The following CDHR2 variants were observed in gnomAD, a reference collection of about 807,000 sequenced individuals.
CDHR2 encodes cadherin related family member 2.
A neutral mutation model predicts 138.6 loss-of-function variants in CDHR2; 104 were observed. The observed-to-expected ratio is 0.75, with a 90% confidence interval of 0.64 to 0.88. The LOEUF is 0.88. CDHR2 is among the 40% of genes least tolerant of loss of function. CDHR2 has a pLI of 0.00. For missense variants in CDHR2, 1,624 were observed against 1,727.6 expected (o/e 0.94, Z 1.06); for synonymous variants, 755 against 742.8 (o/e 1.02, Z -0.27).
At position 176,581,326 on chromosome 5, in the gene CDHR2, C is replaced by T. The variant is rs1342771736; in HGVS notation, c.1819-17C>T. The stretch of plus-strand genomic sequence containing the variant: ...GAATGCCGATGGCCGATGACCAACC[C>T]CTGCTTACGTGCACAGGCCCACGAC... On this transcript the variant is annotated splice_polypyrimidine_tract_variant and intron_variant, in intron 16 of 31. Coordinates refer to ENST00000261944, the MANE Select transcript of CDHR2 (RefSeq NM_017675.6). The T allele has an allele frequency of 1.2e-6, 2 of 1,611,094 alleles. No homozygotes were observed. The highest frequency in any genetic ancestry group is 8.5e-7 in the Non-Finnish European group (1 of 1,179,886).
At chr5:176,595,011 C>T (rs1318047935) in intron 31 of CDHR2, among the ~76,000 whole-genome samples, 1 of 152,220 alleles carries the variant, frequency 6.6e-6, no homozygotes, top group Admixed American at 6.5e-5. Context: ...GGCAGTGTCA[C>T]ATCATGGACA....
chr5:176,587,668 C>T (rs1758701874), intron 21 of CDHR2, among the ~76,000 whole-genome samples: 1 of 152,004 alleles, frequency 6.6e-6, no homozygotes, highest in South Asian at 2.1e-4. Context: ...CAACAAGAAG[C>T]TAGCAGTTCC....
In CDHR2 at chr5:176,553,278, GC is replaced by G. The variant is rs1488816501; in HGVS notation, c.-16+3867del. Among the ~76,000 whole-genome samples the G allele has an allele frequency of 6.6e-6, 1 of 152,206 alleles. No homozygotes were observed. Among genetic ancestry groups the G allele is most frequent in the African/African-American group, 2.4e-5 (1 of 41,452 alleles). On this transcript the variant is annotated intron_variant, in intron 1 of 31. Transcript: ENST00000261944. The surrounding 1 kb of genome is among the most constrained non-coding windows in gnomAD (Gnocchi z 4.3). The stretch of plus-strand genomic sequence containing the variant: ...AAGGCACAGGCCTGGCTTGGGTTCT[GC>G]CCATTACTGGCTGGGCCGCGCCCTT...
intron 1 of CDHR2, among the ~76,000 whole-genome samples, chr5:176,562,375 C>T (rs1458824111): frequency 6.6e-6 from 1 of 151,350 alleles, no homozygotes; most frequent in African/African-American, 2.4e-5. Context: ...TGGACGTGGG[C>T]GTTCAGGAGA....
Position 176,584,434 on chromosome 5 carries a change from C to A in CDHR2, c.2153C>A (p.Ala718Asp). 6.2e-7 allele frequency: 1 copy of A among 1,600,330 alleles called. No individual in the cohort carries two copies. Among genetic ancestry groups the A allele is most frequent in the South Asian group, 1.1e-5 (1 of 88,630 alleles). Reference sequence around the variant, plus strand: ...GGAGTGCTAGTGGGCGTGGTGAAGGCCTGGGACGCGGACCAGACGGAAGCC... The same window carrying A: ...GGAGTGCTAGTGGGCGTGGTGAAGGACTGGGACGCGGACCAGACGGAAGCC... ...DPGVLVGVVK[A>D]WDADQTEANN... Residue 718 changes from alanine to aspartate, a missense_variant, in exon 19 of 32, where the codon GCC becomes GAC. Physicochemically the swap from Ala to Asp is moderately radical, Grantham distance 126 (BLOSUM62 -2). Coordinates refer to ENST00000261944, the MANE Select transcript of CDHR2 (RefSeq NM_017675.6).
chr5:176,586,865 TG>T, intron 21 of CDHR2, 23 bp downstream of exon 21: 1 of 1,602,216 alleles, frequency 6.2e-7, no homozygotes, highest in Non-Finnish European at 8.5e-7. Context: ...CTCCAGCCTT[TG>T]TTGGTCATAT....
At chr5:176,589,489 G>T (rs753857468) in intron 23 of CDHR2, 39 bp from the exon 24 acceptor site, 6 of 1,612,714 alleles carry the variant, frequency 3.7e-6, no homozygotes, top group Non-Finnish European at 5.1e-6. Context: ...CAGCCCCCAG[G>T]GTCCCTGGTG....
At chr5:176,570,856 C>A (rs954279861) in intron 5 of CDHR2, among the ~76,000 whole-genome samples, 2 of 151,448 alleles carry the variant, frequency 1.3e-5, no homozygotes, top group Non-Finnish European at 2.9e-5. Context: ...GAGGCTGAGG[C>A]AGGAGAATTG....
At chr5:176,588,088 C>T (rs1758710461) in intron 21 of CDHR2, among the ~76,000 whole-genome samples, 1 of 152,190 alleles carries the variant, frequency 6.6e-6, no homozygotes. Flanking sequence ...ATGCTTGTGT[C>T]CCCTCCCCAA....
intron 30 of CDHR2, among the ~76,000 whole-genome samples, chr5:176,591,946 ATGG>A (rs1758866255): frequency 7.6e-6 from 1 of 132,344 alleles, no homozygotes; most frequent in Non-Finnish European, 1.6e-5. Context: ...GGTGGTGATG[ATGG>A]TGATGATGAC....
At chr5:176,556,982 TCTTC>T (rs1181550304) in intron 1 of CDHR2, among the ~76,000 whole-genome samples, 2 of 103,662 alleles carry the variant, frequency 1.9e-5, no homozygotes, top group Admixed American at 1.2e-4. Flanking sequence ...TCCCTTCCTC[TCTTC>T]CTTCCTTCCT....
Position 176,558,276 on chromosome 5 carries a change from C to T in CDHR2, c.-15-7062C>T, listed in dbSNP as rs1407604368. ...TGTCGCCCAGGCTGGAGTGCAGTGG[C>T]GCCATCTCGGCTCACTGCAAGCTCC... is the stretch of plus-strand genomic sequence containing the variant. On this transcript the variant is annotated intron_variant, in intron 1 of 31. Coordinates refer to ENST00000261944, the MANE Select transcript of CDHR2 (RefSeq NM_017675.6). Among the ~76,000 whole-genome samples the T allele has an allele frequency of 1.3e-4, 19 of 146,246 alleles. 1 individual carries two copies. Among genetic ancestry groups the T allele is most frequent in the Middle Eastern group, 7.3e-3 (2 of 274 alleles).
upstream of CDHR2, among the ~76,000 whole-genome samples, chr5:176,548,159 C>T (rs1002270474): frequency 3.0e-4 from 46 of 152,176 alleles, 1 homozygote; most frequent in African/African-American, 1.1e-3. Flanking sequence ...AGAAAGGGTG[C>T]CATGAAAGAT....
intron 31 of CDHR2, among the ~76,000 whole-genome samples, chr5:176,593,355 C>A (rs1758936208): frequency 6.6e-6 from 1 of 152,228 alleles, no homozygotes. Flanking sequence ...ATGGGTGCAA[C>A]ATTCTAGCAT....
chr5:176,586,704 G>C lies in CDHR2; in HGVS notation c.2807-89G>C, dbSNP rs549308826. 4.9e-6 allele frequency: 6 copies of C among 1,214,400 alleles called. No homozygotes were observed. In the African/African-American group the frequency reaches 7.5e-5, roughly 15 times the overall value. 75.2% of individuals were successfully genotyped at this position (1,214,400 alleles called of 1,614,324 possible). On this transcript the variant is annotated intron_variant, in intron 20 of 31. Transcript: ENST00000261944. ...GAGAGGTTGAGGGCAGGTTTAGGGG[G>C]ATGAGCCCTGAGCTGGGCTCGTGAC...
At position 176,565,369 on chromosome 5, in the gene CDHR2, T is replaced by C. The variant is rs114786529; in HGVS notation, c.17T>C (p.Leu6Pro). The change falls in exon 2 of 32, where the codon CTG becomes CCG. Residue 6 changes from leucine (L) to proline (P), a missense_variant. This residue lies in a region of CDHR2 where 1,061 missense variants were observed against 1,136.6 expected (regional missense o/e 0.93). Transcript: ENST00000261944. MAQLWLSCFLLPALVV... is the reference protein window; with the variant it reads MAQLWPSCFLLPALVV... ...GCGGATGTGATGGCCCAGCTATGGC[T>C]GTCCTGCTTCCTCCTTCCTGCCCTC... 2.0e-3 allele frequency: 3,239 copies of C among 1,614,140 alleles called. 20 individuals are homozygous for C. Among genetic ancestry groups the C allele is most frequent in the African/African-American group, 0.02 (1,469 of 75,028 alleles).
chr5:176,584,615 G>T lies in CDHR2; in HGVS notation c.2334G>T (p.Val778=). ...CACAGCCCGTCTTCAACTTGACAGT[G>T]AGTGCTGAGAACCCAGACCCCCAGG... ...YETQPVFNLT[V]SAENPDPQGG... The change falls in exon 19 of 32, where the codon GTG becomes GTT. Residue 778 remains valine (V), a synonymous_variant. Transcript: ENST00000261944. 1 of 1,607,474 alleles carries T rather than the reference G, an allele frequency of 6.2e-7. No homozygotes were observed. The highest frequency in any genetic ancestry group is 1.3e-5 in the African/African-American group (1 of 74,942).
upstream of CDHR2, among the ~76,000 whole-genome samples, chr5:176,545,192 T>G (rs1757558040): frequency 6.6e-6 from 1 of 152,122 alleles, no homozygotes. Flanking sequence ...CTCGGCTCAC[T>G]GCAATCTCCC....
At chr5:176,557,663 TAA>T (rs1170260328) in intron 1 of CDHR2, among the ~76,000 whole-genome samples, 1 of 148,012 alleles carries the variant, frequency 6.8e-6, no homozygotes, top group Non-Finnish European at 1.5e-5. Flanking sequence ...CCTCCTGGGC[TAA>T]GTCATTATCT....
Sources: allele counts gnomAD v4.1 joint callset (sites outside exome capture counted in the v4.1 genomes callset), GRCh38; gene constraint gnomAD v4.1.1; regional missense constraint gnomAD v4.1.1; non-coding constraint Gnocchi (gnomAD v3.1); transcripts MANE v1.5; gene names NCBI Gene and HGNC (gene_info 2026-07-23, HGNC 2026-07-21).